The following ATR variants were observed in gnomAD, a reference collection of about 807,000 sequenced individuals.
ATR encodes ATR checkpoint kinase.
A neutral mutation model predicts 305.3 loss-of-function variants in ATR; 142 were observed. That is an observed-to-expected ratio of 0.47 (90% CI 0.41 to 0.53). The LOEUF is 0.53. ATR is among the 20% of genes least tolerant of loss of function. ATR has a pLI of 0.00. For synonymous variants in ATR, 1,050 were observed against 1,068.1 expected (o/e 0.98, Z 0.33); for missense variants, 2,135 against 3,133.1 (o/e 0.68, Z 7.60).
chr3:142,549,862 G>A (rs1430230007), intron 14 of ATR, among the ~76,000 whole-genome samples, 189 bp from the exon 15 acceptor site: 1 of 152,108 alleles, frequency 6.6e-6, no homozygotes, highest in Non-Finnish European at 1.5e-5. Flanking sequence ...CACCTTAGAA[G>A]CAGAAATGAT....
At chr3:142,565,222 TAGTACTA>T (rs2035027413) in intron 3 of ATR, among the ~76,000 whole-genome samples, 1 of 152,058 alleles carries the variant, frequency 6.6e-6, no homozygotes, top group African/African-American at 2.4e-5. Context: ...GCAGAACACT[TAGTACTA>T]AGAGAGAATA....
At chr3:142,503,699 G>A (rs543556544) in intron 29 of ATR, among the ~76,000 whole-genome samples, 2 of 152,232 alleles carry the variant, frequency 1.3e-5, no homozygotes, top group Non-Finnish European at 2.9e-5. Context: ...TTACAGGCAT[G>A]AGCCACCATG....
At position 142,499,355 on chromosome 3, in the gene ATR, C is replaced by T. The variant is rs577811395; in HGVS notation, c.5380+272G>A. Among the ~76,000 whole-genome samples, 155 of 151,166 alleles carry T rather than the reference C, an allele frequency of 1.0e-3. 1 individual carries two copies. Among genetic ancestry groups the T allele is most frequent in the African/African-American group, 3.6e-3 (147 of 41,104 alleles). ...TGTCACCCAGGCTGGAGTGCAGTGGCGCGATCTCAGCTCACTGCAACCTCC... is the reference window on the plus strand; with the variant it reads ...TGTCACCCAGGCTGGAGTGCAGTGGTGCGATCTCAGCTCACTGCAACCTCC... On this transcript the variant is annotated intron_variant, in intron 31 of 46. Coordinates refer to ENST00000350721, the MANE Select transcript of ATR (RefSeq NM_001184.4).
chr3:142,525,343 C>CT (rs140444485), intron 21 of ATR, among the ~76,000 whole-genome samples: 27 of 150,364 alleles, frequency 1.8e-4, no homozygotes, highest in South Asian at 2.1e-4. Flanking sequence ...TTCTCATAAC[C>CT]TTTTTTTTTA....
intron 29 of ATR, among the ~76,000 whole-genome samples, chr3:142,503,659 C>T (rs369398317): frequency 2.6e-5 from 4 of 152,156 alleles, no homozygotes; most frequent in East Asian, 1.9e-4. Flanking sequence ...TCAAGTGATC[C>T]TCCTGCCTCA....
intron 25 of ATR, among the ~76,000 whole-genome samples, chr3:142,514,707 T>C (rs185467764): frequency 1.1e-3 from 157 of 146,766 alleles, no homozygotes; most frequent in Non-Finnish European, 1.9e-3. Context: ...CTCAGGAGGC[T>C]GAGGCGGGAG....
chr3:142,523,939 T>G, intron 22 of ATR, 54 bp downstream of exon 22: 1 of 1,549,252 alleles, frequency 6.5e-7, no homozygotes, highest in Non-Finnish European at 8.9e-7. Flanking sequence ...ATGAAATATA[T>G]AAACCTCAAT....
At chr3:142,480,474 G>A (rs373197088) in intron 36 of ATR, among the ~76,000 whole-genome samples, 1 of 152,210 alleles carries the variant, frequency 6.6e-6, no homozygotes, top group Admixed American at 6.5e-5. Flanking sequence ...GTACCCGGCC[G>A]TGTGAGGTGT....
At chr3:142,519,633 C>A (rs1388246651) in intron 24 of ATR, 36 bp downstream of exon 24, 3 of 1,537,602 alleles carry the variant, frequency 2.0e-6, no homozygotes, top group Non-Finnish European at 2.7e-6. Context: ...TAATTAAAAA[C>A]AATTTTATGA....
chr3:142,503,585 A>ATTC (rs1431032875), intron 29 of ATR, 132 bp from the exon 30 acceptor site: 2 of 416,556 alleles, frequency 4.8e-6, no homozygotes, highest in Non-Finnish European at 8.1e-6. Context: ...TATTATTATT[A>ATTC]TTTTAATTTT....
chr3:142,489,791 T>C (rs2031170096), intron 35 of ATR, among the ~76,000 whole-genome samples: 1 of 152,216 alleles, frequency 6.6e-6, no homozygotes, highest in Non-Finnish European at 1.5e-5. Flanking sequence ...TATTGACATA[T>C]GTAATTGTTT....
At chr3:142,552,834 T>C (rs533638860) in intron 13 of ATR, among the ~76,000 whole-genome samples, 1 of 152,012 alleles carries the variant, frequency 6.6e-6, no homozygotes, top group Non-Finnish European at 1.5e-5. Context: ...TGGAAGCCAT[T>C]ATCCTCAGCA....
intron 13 of ATR, 89 bp from the exon 14 acceptor site, chr3:142,550,391 A>G (rs545848588): frequency 7.4e-7 from 1 of 1,353,956 alleles, no homozygotes. Context: ...GGCAGTATCA[A>G]ATAGTATTCT....
chr3:142,478,404 T>C (rs903793457), intron 36 of ATR, among the ~76,000 whole-genome samples: 2 of 152,152 alleles, frequency 1.3e-5, no homozygotes, highest in Non-Finnish European at 2.9e-5. Context: ...GCAGTTTTGA[T>C]TGAGTTTCTT....
At chr3:142,459,653 C>CAAACATGGATCAA (rs998874698) in intron 42 of ATR, among the ~76,000 whole-genome samples, 26 of 152,048 alleles carry the variant, frequency 1.7e-4, no homozygotes, top group African/African-American at 5.8e-4. Flanking sequence ...TTTTTTCAAC[C>CAAACATGGATCAA]AAACATGGAT....
At chr3:142,480,864 G>A (rs1029361129) in intron 36 of ATR, among the ~76,000 whole-genome samples, 2 of 152,146 alleles carry the variant, frequency 1.3e-5, no homozygotes, top group Non-Finnish European at 2.9e-5. Context: ...GAGAGGCTCC[G>A]TGGGCATGGG....
chr3:142,570,384 TA>T (rs575609512), intron 1 of ATR, among the ~76,000 whole-genome samples: 105 of 152,264 alleles, frequency 6.9e-4, no homozygotes, highest in Non-Finnish European at 1.1e-3. Context: ...CCCTTATTTT[TA>T]TTTATTTATT....
At chr3:142,473,477 T>C (rs2071347471) in intron 36 of ATR, among the ~76,000 whole-genome samples, 2 of 152,246 alleles carry the variant, frequency 1.3e-5, no homozygotes, top group African/African-American at 2.4e-5. Context: ...ACTAATGTCA[T>C]ACTGTTTTGA....
At chr3:142,578,576 G>C in intron 1 of ATR, 70 bp downstream of exon 1, 1 of 1,519,138 alleles carries the variant, frequency 6.6e-7, no homozygotes, top group African/African-American at 1.4e-5. Flanking sequence ...GCAGGGGAGG[G>C]GAGAGCACGT....
Sources: gnomAD v4.1 joint callset for allele counts (sites outside exome capture counted in the v4.1 genomes callset) on GRCh38, gnomAD v4.1.1 for gene constraint, MANE v1.5 for transcripts, NCBI Gene and HGNC (gene_info 2026-07-23, HGNC 2026-07-21) for gene names.